CEP350: variants seen among roughly 807,000 people sequenced by gnomAD.
CEP350 encodes the protein centrosomal protein 350.
CEP350 carries 126 observed loss-of-function variants against 331.8 expected under a neutral mutation model. The observed-to-expected ratio is 0.38, with a 90% confidence interval of 0.33 to 0.44. CEP350 has a LOEUF of 0.44. Among genes scored for constraint, CEP350 ranks in the 20% least tolerant of loss-of-function variants. The probability of loss-of-function intolerance (pLI) is 1.00; values close to 1 mark genes in which losing one functional copy is unlikely to be tolerated. For synonymous variants in CEP350, 1,200 were observed against 1,259.5 expected (o/e 0.95, Z 1.00); for missense variants, 3,406 against 3,634.6 (o/e 0.94, Z 1.62).
At chr1:179,978,534 GC>G (rs1443935647) in intron 1 of CEP350, among the ~76,000 whole-genome samples, 1 of 151,694 alleles carries the variant, frequency 6.6e-6, no homozygotes, top group Non-Finnish European at 1.5e-5. Flanking sequence ...TCTCTCCTAA[GC>G]CCCCTTAACC....
chr1:179,987,801 C>G (rs1044667582), intron 3 of CEP350, among the ~76,000 whole-genome samples: 56 of 151,948 alleles, frequency 3.7e-4, no homozygotes, highest in African/African-American at 1.3e-3. Flanking sequence ...TGGTGTGCAC[C>G]TGTAGTCCCT....
chr1:180,109,100 A>T (rs1253861106), intron 37 of CEP350, among the ~76,000 whole-genome samples: 3 of 148,992 alleles, frequency 2.0e-5, no homozygotes, highest in African/African-American at 7.4e-5. Flanking sequence ...AAACCAGAGT[A>T]CAAGTTCCCC....
rs41319345 is a variant in CEP350 at position 180,003,158 on chromosome 1, T to A, written c.1019-16T>A. ...CAACTTTGATAAGAATATTCTGTGT[T>A]ACTGGTATGTATTAGGTTTCAACCC... On this transcript the variant is annotated splice_polypyrimidine_tract_variant and intron_variant, in intron 6 of 37. Transcript: ENST00000367607. 1,287 of 1,504,056 alleles carry A rather than the reference T, an allele frequency of 8.6e-4. 12 individuals are homozygous for A. In the African/African-American group the frequency reaches 0.016, roughly 18 times the overall value. 93.2% of individuals were successfully genotyped at this position (1,504,056 alleles called of 1,614,324 possible).
chr1:180,081,470 A>G (rs145647382), intron 30 of CEP350, among the ~76,000 whole-genome samples: 1 of 152,366 alleles, frequency 6.6e-6, no homozygotes, highest in East Asian at 1.9e-4. Context: ...AAATAATGCT[A>G]TAATAAACAT....
At chr1:180,086,105 T>C (rs1659843293) in intron 31 of CEP350, among the ~76,000 whole-genome samples, 1 of 152,170 alleles carries the variant, frequency 6.6e-6, no homozygotes, top group Non-Finnish European at 1.5e-5. Context: ...GGCCTGTTAA[T>C]AGATCTGGAG....
At chr1:180,004,889 T>G (rs1325048881) in intron 7 of CEP350, among the ~76,000 whole-genome samples, 70 of 57,226 alleles carry the variant, frequency 1.2e-3, no homozygotes, top group African/African-American at 3.0e-3. Context: ...CTTGCTTGCT[T>G]GCTTGCTTGC....
At chr1:180,012,823 C>T (rs538328643) in intron 9 of CEP350, among the ~76,000 whole-genome samples, 54 of 152,304 alleles carry the variant, frequency 3.5e-4, no homozygotes, top group African/African-American at 1.1e-3. Flanking sequence ...CTTGTAAATA[C>T]GCTCATGTGT....
chr1:180,004,873 GGCTTGCTT>G (rs142057657), intron 7 of CEP350, among the ~76,000 whole-genome samples: 11 of 100,526 alleles, frequency 1.1e-4, no homozygotes, highest in Admixed American at 4.2e-4. Context: ...CAGGCTGGCT[GGCTTGCTT>G]GCTTGCTTGC....
intron 37 of CEP350, among the ~76,000 whole-genome samples, chr1:180,108,128 GAGA>G (rs1281229093): frequency 1.3e-5 from 2 of 152,140 alleles, no homozygotes; most frequent in African/African-American, 4.8e-5. Context: ...CTGACTGACA[GAGA>G]AATAGTTCCT....
intron 1 of CEP350, among the ~76,000 whole-genome samples, chr1:179,955,986 A>G (rs1037026186): frequency 6.6e-6 from 1 of 152,242 alleles, no homozygotes; most frequent in Non-Finnish European, 1.5e-5. Flanking sequence ...GTTTTAAAAG[A>G]AAGACTATCT....
At position 180,110,475 on chromosome 1, in the gene CEP350, C is replaced by T. The variant is rs531234236; in HGVS notation, c.9190-522C>T. 5.3e-5 allele frequency among the ~76,000 whole-genome samples: 8 copies of T among 152,238 alleles called. No homozygotes were observed. The East Asian group carries it at 9.6e-4, about 18-fold the overall frequency. ...GGACTGTGATGCAGATGATTCTGCC[C>T]GACTGTAGACCAATATACATGCTCT... On this transcript the variant is annotated intron_variant, in intron 37 of 37. Transcript: ENST00000367607.
chr1:179,967,033 A>G (rs1651066847), intron 1 of CEP350, among the ~76,000 whole-genome samples: 1 of 152,224 alleles, frequency 6.6e-6, no homozygotes, highest in African/African-American at 2.4e-5. Flanking sequence ...TTGAGCAAAG[A>G]AGAGTTCATA....
intron 27 of CEP350, among the ~76,000 whole-genome samples, chr1:180,073,218 T>A (rs1230430084): frequency 1.3e-5 from 2 of 152,206 alleles, no homozygotes; most frequent in Non-Finnish European, 2.9e-5. Context: ...GCAAGATACC[T>A]CCAGTAGGTC....
At chr1:180,022,919 G>C (rs1187877491) in intron 13 of CEP350, 71 bp downstream of exon 13, 1 of 1,412,092 alleles carries the variant, frequency 7.1e-7, no homozygotes, top group Non-Finnish European at 9.6e-7. Context: ...ACTCTGGTCT[G>C]AATATTAGCC....
At chr1:180,014,772 T>C (rs1398856447) in intron 10 of CEP350, among the ~76,000 whole-genome samples, 2 of 152,218 alleles carry the variant, frequency 1.3e-5, no homozygotes, top group Non-Finnish European at 2.9e-5. Context: ...TAGTTTTCAT[T>C]GTAGTACTGA....
intron 6 of CEP350, among the ~76,000 whole-genome samples, chr1:179,998,298 A>ATTAATTTTCTTT (rs1221125620): frequency 5.5e-5 from 5 of 91,078 alleles, no homozygotes; most frequent in African/African-American, 4.6e-5. Flanking sequence ...TGTTTCTTCT[A>ATTAATTTTCTTT]TTTTCTTTTT....
chr1:180,090,714 A>C lies in CEP350; in HGVS notation c.6426A>C (p.Arg2142Ser). ...PKIKPLTPLH[R>S]SETAKNWKSL... ...CTGCTCATTAATTTTTACACGTCAGATCTGAAACGGCAAAGAATTGGAAAT... is the reference window on the plus strand; with the variant it reads ...CTGCTCATTAATTTTTACACGTCAGCTCTGAAACGGCAAAGAATTGGAAAT... Residue 2142 changes from arginine (R) to serine (S), a missense_variant and splice_region_variant, in exon 33 of 38, where the codon AGA becomes AGC. Arg to Ser is a moderately radical substitution (Grantham distance 110, BLOSUM62 -1). Around this residue, in one of 5 missense-constraint regions of CEP350, gnomAD observed 1,415 missense variants for 1,512.3 expected, o/e 0.94. Coordinates refer to ENST00000367607, the MANE Select transcript of CEP350 (RefSeq NM_014810.5). 6.5e-7 allele frequency: 1 copy of C among 1,548,730 alleles called. No individual in the cohort carries two copies. The highest frequency in any genetic ancestry group is 2.0e-5 in the Admixed American group (1 of 50,414).
At chr1:179,966,974 A>T (rs890428657) in intron 1 of CEP350, among the ~76,000 whole-genome samples, 1 of 152,176 alleles carries the variant, frequency 6.6e-6, no homozygotes, top group Non-Finnish European at 1.5e-5. Flanking sequence ...TTCTGACACC[A>T]TCTATTAAAA....
intron 1 of CEP350, among the ~76,000 whole-genome samples, chr1:179,963,559 GT>G (rs894151371): frequency 5.6e-4 from 84 of 150,592 alleles, no homozygotes; most frequent in Admixed American, 8.6e-4. Flanking sequence ...TGTTTTTTGG[GT>G]TTTTTTTTCT....
Sources: allele counts gnomAD v4.1 joint callset (sites outside exome capture counted in the v4.1 genomes callset), GRCh38; gene constraint gnomAD v4.1.1; regional missense constraint gnomAD v4.1.1; transcripts MANE v1.5; gene names NCBI Gene and HGNC (gene_info 2026-07-23, HGNC 2026-07-21).